The following TBCE variants were observed in gnomAD, a reference collection of about 807,000 sequenced individuals.
TBCE encodes tubulin-specific chaperone E.
Under a neutral mutation model 77.0 loss-of-function variants are expected in TBCE, and 53 were observed. The ratio of observed to expected loss-of-function variants is 0.69; its 90% confidence interval spans 0.55 to 0.87. TBCE has a LOEUF of 0.87. Among genes scored for constraint, TBCE ranks in the 40% least tolerant of loss-of-function variants. The pLI, the probability that TBCE is intolerant of heterozygous loss-of-function variation, is 0.00. For synonymous variants in TBCE, 235 were observed against 241.3 expected (o/e 0.97, Z 0.24); for missense variants, 624 against 622.4 (o/e 1.00, Z -0.03).
chr1:235,417,774 T>A (rs1280574583), intron 4 of TBCE, among the ~76,000 whole-genome samples: 3 of 152,126 alleles, frequency 2.0e-5, no homozygotes, highest in African/African-American at 2.4e-5. Flanking sequence ...TTTTTGTTGT[T>A]GTTTCTTGTT....
At position 235,438,898 on chromosome 1, in the gene TBCE, C is replaced by G; in HGVS notation, c.1246C>G (p.Pro416Ala). 1 of 1,614,152 alleles carries G rather than the reference C, an allele frequency of 6.2e-7. No homozygotes were observed. Among genetic ancestry groups the G allele is most frequent in the Non-Finnish European group, 8.5e-7 (1 of 1,180,034 alleles). The change falls in exon 13 of 17, where the codon CCC becomes GCC. Residue 416 changes from proline (P) to alanine (A), a missense_variant. Coordinates refer to ENST00000642610, the MANE Select transcript of TBCE (RefSeq NM_003193.5). ...CAGCGAAGAATTCCTCACAGCCCATCCCAGATACCAGTTCCTCTGCCTGAG... is the reference window on the plus strand; with the variant it reads ...CAGCGAAGAATTCCTCACAGCCCATGCCAGATACCAGTTCCTCTGCCTGAG... ...RLSEEFLTAH[P>A]RYQFLCLKYG...
intron 15 of TBCE, among the ~76,000 whole-genome samples, chr1:235,445,858 G>A (rs181620183): frequency 3.3e-5 from 5 of 152,264 alleles, no homozygotes; most frequent in East Asian, 3.9e-4. Flanking sequence ...ACTTGCCAGC[G>A]GAGGAATGGT....
intron 15 of TBCE, among the ~76,000 whole-genome samples, chr1:235,445,469 A>G (rs986217452): frequency 6.6e-6 from 1 of 152,050 alleles, no homozygotes; most frequent in Non-Finnish European, 1.5e-5. Context: ...TCTCTACAAA[A>G]ATAAATAAAT....
intron 1 of TBCE, among the ~76,000 whole-genome samples, chr1:235,368,382 A>G (rs1676692187): frequency 6.6e-6 from 1 of 151,960 alleles, no homozygotes; most frequent in South Asian, 2.1e-4. Context: ...ATGAAGAGAG[A>G]AGACTTTTCT....
At chr1:235,394,514 T>G (rs1391027526) in intron 2 of TBCE, among the ~76,000 whole-genome samples, 2 of 143,528 alleles carry the variant, frequency 1.4e-5, no homozygotes, top group Non-Finnish European at 3.0e-5. Flanking sequence ...TAACTATAGC[T>G]TCTGCACCTG....
chr1:235,419,444 T>C lies in TBCE; in HGVS notation c.372-29T>C, dbSNP rs750324811. The C allele has an allele frequency of 2.2e-5, 36 of 1,614,080 alleles. 1 individual carries two copies. Among genetic ancestry groups the C allele is most frequent in the Non-Finnish European group, 3.1e-5 (36 of 1,180,056 alleles). On this transcript the variant is annotated intron_variant, in intron 4 of 16. Coordinates refer to ENST00000642610, the MANE Select transcript of TBCE (RefSeq NM_003193.5). ...CCAGTGGATAGCATACGTGCTTATG[T>C]ATCCATGTGAACTCTGTTTTTCATG...
At position 235,451,509 on chromosome 1, in the gene TBCE, A is replaced by C. The variant is rs150249825; in HGVS notation, c.*2747A>C. On this transcript the variant is annotated 3_prime_UTR_variant, in exon 17 of 17. Coordinates refer to ENST00000642610, the MANE Select transcript of TBCE (RefSeq NM_003193.5). The stretch of plus-strand genomic sequence containing the variant: ...AAAAAAAAAGACCGCATCAGAAAAC[A>C]AGCGCCATGAACAACAGTTGTAGAA... The C allele has an allele frequency of 6.6e-6, 1 of 151,872 alleles. No homozygotes were observed. Among genetic ancestry groups the C allele is most frequent in the Non-Finnish European group, 1.5e-5 (1 of 68,006 alleles). 9.4% of individuals were successfully genotyped at this position (151,872 alleles called of 1,614,324 possible). A position where few individuals can be genotyped will look rare whatever the true frequency, so the allele number is the denominator to read the frequency against.
intron 1 of TBCE, among the ~76,000 whole-genome samples, chr1:235,375,795 C>T: frequency 6.6e-6 from 1 of 152,082 alleles, no homozygotes; most frequent in Admixed American, 6.6e-5. Context: ...GTAATCCCAG[C>T]ACTTTGGGAG....
chr1:235,414,398 ATAT>A (rs1479654329), intron 3 of TBCE, 32 bp from the exon 4 acceptor site: 2 of 1,608,554 alleles, frequency 1.2e-6, no homozygotes, highest in Non-Finnish European at 1.7e-6. Flanking sequence ...TTGGTGGGTA[ATAT>A]TTTCTGTGTT....
intron 2 of TBCE, among the ~76,000 whole-genome samples, chr1:235,381,089 G>A (rs1415904627): frequency 6.6e-6 from 1 of 152,016 alleles, no homozygotes; most frequent in Admixed American, 6.6e-5. Context: ...CAATAAGGAG[G>A]CTTTCTATGA....
rs1398981567 is a variant in TBCE, at chr1:235,427,255, TG to T, written c.560+17del. 10 of 1,552,846 alleles carry T rather than the reference TG, an allele frequency of 6.4e-6. No individual in the cohort carries two copies. Among genetic ancestry groups the T allele is most frequent in the Non-Finnish European group, 8.9e-6 (10 of 1,124,888 alleles). On this transcript the variant is annotated intron_variant, in intron 6 of 16. Coordinates refer to ENST00000642610, the MANE Select transcript of TBCE (RefSeq NM_003193.5). ...TTAATGTCAGGTATGAACTCTTGGT[TG>T]CTGAATCTTCATTAACAATAAAGCT...
intron 4 of TBCE, chr1:235,416,243 T>A (rs763500605): frequency 5.3e-5 from 8 of 151,816 alleles, no homozygotes; most frequent in Admixed American, 1.3e-4. Context: ...ACTGATTTAC[T>A]TGGATTTAAA....
At chr1:235,436,687 C>CA in intron 11 of TBCE, 79 bp downstream of exon 11, 1 of 1,373,756 alleles carries the variant, frequency 7.3e-7, no homozygotes, top group Non-Finnish European at 1.0e-6. Context: ...TTCCTTCTAC[C>CA]AAAAAAGTAA....
chr1:235,448,046 TA>T (rs1179783671), intron 15 of TBCE, among the ~76,000 whole-genome samples: 1 of 151,938 alleles, frequency 6.6e-6, no homozygotes, highest in Non-Finnish European at 1.5e-5. Flanking sequence ...CCGTCTCTAC[TA>T]AAAATACAAA....
chr1:235,413,136 C>A (rs1052139974), intron 3 of TBCE, among the ~76,000 whole-genome samples: 9 of 152,114 alleles, frequency 5.9e-5, no homozygotes, highest in Admixed American at 5.9e-4. Context: ...GGTCTGATTT[C>A]TTTCTTTAAG....
At position 235,419,555 on chromosome 1, in the gene TBCE, T is replaced by C. The variant is rs764592612; in HGVS notation, c.454T>C (p.Cys152Arg). Residue 152 changes from cysteine (C) to arginine (R), a missense_variant, in exon 5 of 17, where the codon TGT becomes CGT. Physicochemically the swap from Cys to Arg is radical, Grantham distance 180. Coordinates refer to ENST00000642610, the MANE Select transcript of TBCE (RefSeq NM_003193.5). The stretch of plus-strand genomic sequence containing the variant: ...TGAAAAAGGAGGAGTTGCTGAAGCA[T>C]GTCCTAGTATCCTTTTCACCGAGAG... ...AGEKGGVAEACPNIRKVDLSK... is the reference protein window; with the variant it reads ...AGEKGGVAEARPNIRKVDLSK... 9 of 1,614,030 alleles carry C rather than the reference T, an allele frequency of 5.6e-6. No individual in the cohort carries two copies. The highest frequency in any genetic ancestry group is 1.7e-5 in the Admixed American group (1 of 59,998).
intron 1 of TBCE, among the ~76,000 whole-genome samples, chr1:235,368,236 A>G (rs545142184): frequency 6.6e-6 from 1 of 152,206 alleles, no homozygotes; most frequent in Non-Finnish European, 1.5e-5. Context: ...GGTGTTTACT[A>G]CCAAATGGGG....
intron 2 of TBCE, among the ~76,000 whole-genome samples, chr1:235,392,368 T>C (rs1383550029): frequency 2.0e-5 from 3 of 151,122 alleles, no homozygotes; most frequent in Non-Finnish European, 4.4e-5. Flanking sequence ...AAAAAGAAAG[T>C]TGTGATTCAT....
At chr1:235,392,433 A>G (rs1358179271) in intron 2 of TBCE, among the ~76,000 whole-genome samples, 79 of 138,282 alleles carry the variant, frequency 5.7e-4, no homozygotes, top group African/African-American at 1.9e-3. Context: ...TTTTTTAGAC[A>G]GAGTCTCGCT....
Sources: allele counts gnomAD v4.1 joint callset (sites outside exome capture counted in the v4.1 genomes callset), GRCh38; gene constraint gnomAD v4.1.1; transcripts MANE v1.5; gene names NCBI Gene and HGNC (gene_info 2026-07-23, HGNC 2026-07-21).